Variants in TASP1 observed in about 807,000 individuals in gnomAD.
The protein encoded by TASP1 is taspase 1.
A neutral mutation model predicts 56.6 loss-of-function variants in TASP1; 16 were observed. The ratio of observed to expected loss-of-function variants is 0.28; its 90% CI spans 0.19 to 0.43. The LOEUF is 0.43. TASP1 is among the 20% of genes least tolerant of loss of function. TASP1 has a pLI of 1.00. For missense variants in TASP1, 393 were observed against 511.6 expected, an observed-to-expected ratio of 0.77 and a Z score of 2.24; for synonymous variants, 179 against 184.2, an observed-to-expected ratio of 0.97 and a Z score of 0.23.
At chr20:13,287,691 AC>A in the TASP1 span, among the ~76,000 whole-genome samples, 2 of 152,190 alleles carry the variant, frequency 1.3e-5, no homozygotes, top group Non-Finnish European at 2.9e-5. Flanking sequence ...TATCTCATGT[AC>A]CAAGAATTGT....
chr20:13,488,396 G>A (rs1354583936), intron 10 of TASP1, among the ~76,000 whole-genome samples: 2 of 151,960 alleles, frequency 1.3e-5, no homozygotes, highest in African/African-American at 4.8e-5. Flanking sequence ...GAAGCCGCAA[G>A]ACTAATATCT....
chr20:13,579,455 G>A (rs920779310), intron 6 of TASP1, among the ~76,000 whole-genome samples: 5 of 151,592 alleles, frequency 3.3e-5, no homozygotes, highest in Non-Finnish European at 5.9e-5. Context: ...TGCAAGCTCC[G>A]CCTCCTGGGT....
chr20:13,142,365 C>T, the TASP1 span, among the ~76,000 whole-genome samples: 2 of 152,164 alleles, frequency 1.3e-5, no homozygotes, highest in Non-Finnish European at 2.9e-5. Flanking sequence ...TGATGTAATA[C>T]ATATGGAATT....
intron 4 of TASP1, among the ~76,000 whole-genome samples, chr20:13,601,159 G>A (rs747819891): frequency 3.9e-5 from 6 of 152,002 alleles, no homozygotes; most frequent in Non-Finnish European, 7.4e-5. Flanking sequence ...GGCACCTGTA[G>A]TCCCAGCTAT....
chr20:13,278,939 G>T, the TASP1 span, among the ~76,000 whole-genome samples: 1 of 152,190 alleles, frequency 6.6e-6, no homozygotes, highest in Non-Finnish European at 1.5e-5. Flanking sequence ...TTACATAGCG[G>T]TTAGAACATT....
intron 10 of TASP1, among the ~76,000 whole-genome samples, chr20:13,507,477 C>T (rs544265547): frequency 4.5e-4 from 68 of 152,112 alleles, no homozygotes; most frequent in Middle Eastern, 3.4e-3. Context: ...TTCCATTGAG[C>T]CATGATTGTG....
At chr20:13,474,902 T>C (rs1315615487) in intron 11 of TASP1, among the ~76,000 whole-genome samples, 1 of 152,226 alleles carries the variant, frequency 6.6e-6, no homozygotes, top group Non-Finnish European at 1.5e-5. Context: ...TTGAGCATTT[T>C]TTTCATGTTT....
chr20:13,288,545 A>C, the TASP1 span: 2 of 1,613,674 alleles, frequency 1.2e-6, no homozygotes, highest in Non-Finnish European at 1.7e-6. Flanking sequence ...TCCAGATTCC[A>C]CAGATGGCGA....
At chr20:13,312,103 G>GTGT in the TASP1 span, among the ~76,000 whole-genome samples, 1 of 152,176 alleles carries the variant, frequency 6.6e-6, no homozygotes, top group Non-Finnish European at 1.5e-5. Context: ...ATATCTTAAA[G>GTGT]TGTTGATACG....
chr20:13,581,056 G>A, intron 5 of TASP1, 75 bp from the exon 6 acceptor site: 1 of 1,395,830 alleles, frequency 7.2e-7, no homozygotes, highest in Middle Eastern at 1.9e-4. Context: ...TTTTGCAGTT[G>A]TTTCAATAAA....
At chr20:13,482,461 T>C (rs2043174974) in intron 11 of TASP1, among the ~76,000 whole-genome samples, 1 of 152,210 alleles carries the variant, frequency 6.6e-6, no homozygotes, top group Non-Finnish European at 1.5e-5. Flanking sequence ...TGTATTTTGA[T>C]AGGGATTGCA....
At chr20:13,393,054 G>A in intron 13 of TASP1, 1 of 593,058 alleles carries the variant, frequency 1.7e-6, no homozygotes, top group South Asian at 1.6e-5. Flanking sequence ...CCTCTGCTGA[G>A]GCCCCCATGT....
intron 13 of TASP1, among the ~76,000 whole-genome samples, chr20:13,403,683 T>A (rs2041818569): frequency 6.6e-6 from 1 of 152,034 alleles, no homozygotes; most frequent in African/African-American, 2.4e-5. Flanking sequence ...TTAAAGACAA[T>A]CTTACCTGGG....
the TASP1 span, among the ~76,000 whole-genome samples, chr20:13,107,353 T>G: frequency 6.6e-6 from 1 of 152,094 alleles, no homozygotes; most frequent in Non-Finnish European, 1.5e-5. Context: ...GAAATAGTGC[T>G]CACAAAGAAT....
the TASP1 span, among the ~76,000 whole-genome samples, chr20:13,348,237 T>C: frequency 6.6e-6 from 1 of 152,244 alleles, no homozygotes; most frequent in African/African-American, 2.4e-5. Flanking sequence ...CTATTTTCTA[T>C]ATTTGTAATT....
chr20:13,606,265 A>G (rs1568642376), intron 4 of TASP1, among the ~76,000 whole-genome samples: 1 of 152,126 alleles, frequency 6.6e-6, no homozygotes, highest in South Asian at 2.1e-4. Flanking sequence ...TCTCTGAACA[A>G]GAACTCCCTT....
chr20:13,219,625 A>C, the TASP1 span, among the ~76,000 whole-genome samples: 2 of 152,162 alleles, frequency 1.3e-5, no homozygotes, highest in Admixed American at 6.5e-5. Flanking sequence ...AAAGGAAAAA[A>C]TATAGCAGAC....
chr20:13,138,070 T>C, the TASP1 span, among the ~76,000 whole-genome samples: 10 of 152,144 alleles, frequency 6.6e-5, no homozygotes, highest in African/African-American at 2.4e-4. Flanking sequence ...TAAAATATTG[T>C]CCCCTTTCCT....
the TASP1 span, among the ~76,000 whole-genome samples, chr20:13,254,054 C>A: frequency 9.1e-6 from 1 of 110,142 alleles, no homozygotes; most frequent in Admixed American, 9.0e-5. Context: ...CCCATCATCT[C>A]TACTAAAAAA....
Sources: gnomAD v4.1 joint callset for allele counts (sites outside exome capture counted in the v4.1 genomes callset) on GRCh38, gnomAD v4.1.1 for gene constraint, MANE v1.5 for transcripts, NCBI Gene and HGNC (gene_info 2026-07-23, HGNC 2026-07-21) for gene names.